PCNT: variants seen among roughly 807,000 people sequenced by gnomAD.
PCNT encodes pericentrin, also known as kendrin.
A neutral mutation model predicts 380.4 loss-of-function variants in PCNT; 319 were observed. That is an observed-to-expected ratio of 0.84 (90% CI 0.77 to 0.92). The LOEUF (loss-of-function observed/expected upper bound fraction) is 0.92. PCNT is among the 40% of genes least tolerant of loss of function. The pLI is 0.00. For missense variants in PCNT, 4,400 were observed against 4,255.3 expected, an observed-to-expected ratio of 1.03 and a Z score of -0.95; for synonymous variants, 1,845 against 1,735.2, an observed-to-expected ratio of 1.06 and a Z score of -1.57.
At position 46,388,721 on chromosome 21, in the gene PCNT, G is replaced by C; in HGVS notation, c.3465-21G>C. 1 of 1,613,320 alleles carries C rather than the reference G, an allele frequency of 6.2e-7. No individual in the cohort carries two copies. Among genetic ancestry groups the C allele is most frequent in the Middle Eastern group, 1.7e-4 (1 of 6,032 alleles). On this transcript the variant is annotated intron_variant, in intron 17 of 46. Transcript: ENST00000359568. This position sits in a 1 kb window ranked among gnomAD's most constrained non-coding sequence, Gnocchi z 4.2. ...TTATGCCGTGACCAGCTTGCCTGAT[G>C]ATGGGTGTCTCCTGTCTCAGAGGGG...
rs114465809 is a variant in PCNT, at chr21:46,408,230, C to T, written c.5116-2959C>T. Among the ~76,000 whole-genome samples the T allele has an allele frequency of 4.6e-3, 702 of 152,282 alleles. 6 individuals carry two copies. The highest frequency in any genetic ancestry group is 0.016 in the African/African-American group (676 of 41,550). ...CACTGGAAATTGATGCATGCTGTCG[C>T]CTGTGTCTGTTCCTTTAGTTGCTGA... On this transcript the variant is annotated intron_variant, in intron 27 of 46. Coordinates refer to ENST00000359568, the MANE Select transcript of PCNT (RefSeq NM_006031.6).
chr21:46,354,124 C>T (rs2084383680), intron 11 of PCNT, 56 bp downstream of exon 11: 3 of 1,426,782 alleles, frequency 2.1e-6, no homozygotes, highest in Non-Finnish European at 3.0e-6. Context: ...CCTTCCAGCC[C>T]TGCGTCTTCC....
At chr21:46,440,333 A>G in intron 42 of PCNT, 131 bp downstream of exon 42, 2 of 952,108 alleles carry the variant, frequency 2.1e-6, no homozygotes, top group Non-Finnish European at 3.4e-6. Flanking sequence ...ACTAAAGGAA[A>G]GGACGTTCAC....
At chr21:46,429,787 T>C (rs2087673572) in intron 35 of PCNT, among the ~76,000 whole-genome samples, 1 of 152,034 alleles carries the variant, frequency 6.6e-6, no homozygotes, top group Non-Finnish European at 1.5e-5. Context: ...TCCTGGACTC[T>C]GTGTCTCCCG....
chr21:46,425,302 G>T lies in PCNT; in HGVS notation c.7180-529G>T, dbSNP rs549097661. On this transcript the variant is annotated intron_variant, in intron 32 of 46. Coordinates refer to ENST00000359568, the MANE Select transcript of PCNT (RefSeq NM_006031.6). The surrounding 1 kb of genome is among the most constrained non-coding windows in gnomAD (Gnocchi z 4.2). ...AGACCTGTGGGCAGGGCCTGCTGGG[G>T]ATGGTTTTCTCTGCTCCCCGTGCCC... Among the ~76,000 whole-genome samples the T allele has an allele frequency of 1.2e-4, 18 of 152,348 alleles. No homozygotes were observed. The highest frequency in any genetic ancestry group is 4.3e-4 in the African/African-American group (18 of 41,586).
intron 2 of PCNT, among the ~76,000 whole-genome samples, chr21:46,329,464 A>G (rs1160914796): frequency 1.3e-5 from 2 of 152,216 alleles, no homozygotes; most frequent in African/African-American, 4.8e-5. Context: ...ACATTAGGTT[A>G]CTTATATAAC....
rs538499651 is a variant in PCNT at position 46,363,607 on chromosome 21, G to A, written c.2282G>A (p.Arg761Gln). 4.8e-5 allele frequency: 78 copies of A among 1,614,084 alleles called. No homozygotes were observed. Among genetic ancestry groups the A allele is most frequent in the Non-Finnish European group, 6.5e-5 (77 of 1,180,026 alleles). Residue 761 changes from arginine to glutamine, a missense_variant, in exon 14 of 47, where the codon CGG becomes CAG. Physicochemically the swap from Arg to Gln is conservative, Grantham distance 43. Transcript: ENST00000359568. ...DWKVMKEELQREAEEKLTLML... is the reference protein window; with the variant it reads ...DWKVMKEELQQEAEEKLTLML... ...AAAGTTATGAAGGAGGAGCTACAGCGGGAAGCTGAGGAGAAGTTAACATTG... is the reference window on the plus strand; with the variant it reads ...AAAGTTATGAAGGAGGAGCTACAGCAGGAAGCTGAGGAGAAGTTAACATTG...
At chr21:46,418,754 C>T (rs538817398) in intron 31 of PCNT, among the ~76,000 whole-genome samples, 23 of 152,246 alleles carry the variant, frequency 1.5e-4, no homozygotes, top group African/African-American at 5.1e-4. Context: ...TTGGGGTGGA[C>T]GTCCCTCTCT....
At chr21:46,395,421 A>G (rs1305513462) in intron 21 of PCNT, among the ~76,000 whole-genome samples, 5 of 151,366 alleles carry the variant, frequency 3.3e-5, no homozygotes, top group Admixed American at 2.0e-4. Context: ...ACTCCATCTC[A>G]GAAATAATAG....
At chr21:46,349,247 G>T in intron 7 of PCNT, 61 bp downstream of exon 7, 1 of 1,336,384 alleles carries the variant, frequency 7.5e-7, no homozygotes, top group Non-Finnish European at 1.1e-6. Flanking sequence ...AGTACTGGAA[G>T]GAATGTCGTT....
rs1245241622 is a variant in PCNT at position 46,437,001 on chromosome 21, T to C, written c.9019T>C (p.Ser3007Pro). 1 of 1,614,010 alleles carries C rather than the reference T, an allele frequency of 6.2e-7. No homozygotes were observed. Among genetic ancestry groups the C allele is most frequent in the Non-Finnish European group, 8.5e-7 (1 of 1,179,858 alleles). ...CAGGACAGTTAATGATTGGACGTCA[T>C]CCAATGAGAAAGCAGTGATGTCTTT... ...VDRTVNDWTSSNEKAVMSLLH... is the reference protein window; with the variant it reads ...VDRTVNDWTSPNEKAVMSLLH... Residue 3007 changes from serine (S) to proline (P), a missense_variant, in exon 40 of 47, where the codon TCC becomes CCC. Ser to Pro is a moderately conservative substitution (Grantham distance 74). Transcript: ENST00000359568.
chr21:46,430,140 A>T lies in PCNT; in HGVS notation c.7821A>T (p.Arg2607=), dbSNP rs1374340093. Residue 2607 remains arginine, a synonymous_variant, in exon 36 of 47, where the codon CGA becomes CGT. Transcript: ENST00000359568. ...TGGCGGCGGAGCAGACTGTAGTGCG[A>T]GATTTGAAGTCCGACCTCTGTGAGA... is the stretch of plus-strand genomic sequence containing the variant. The part of the protein sequence containing the change: ...KLLAAEQTVV[R]DLKSDLCESR... 2 of 1,614,218 alleles carry T rather than the reference A, an allele frequency of 1.2e-6. No homozygotes were observed. Among genetic ancestry groups the T allele is most frequent in the Non-Finnish European group, 1.7e-6 (2 of 1,180,038 alleles).
At chr21:46,406,049 G>T (rs2086612134) in intron 27 of PCNT, among the ~76,000 whole-genome samples, 1 of 152,200 alleles carries the variant, frequency 6.6e-6, no homozygotes, top group African/African-American at 2.4e-5. Flanking sequence ...TAGGTTTCCA[G>T]TTATTTCAAG....
At chr21:46,384,821 G>A (rs374865600) in intron 16 of PCNT, among the ~76,000 whole-genome samples, 21 of 151,678 alleles carry the variant, frequency 1.4e-4, no homozygotes, top group South Asian at 2.1e-4. Context: ...GTTGAGCGGC[G>A]GAAGCGCATT....
intron 28 of PCNT, 50 bp downstream of exon 28, chr21:46,412,117 T>C: frequency 6.3e-7 from 1 of 1,581,290 alleles, no homozygotes; most frequent in Non-Finnish European, 8.6e-7. Flanking sequence ...TACTCTCCTT[T>C]TCTCCTTTGA....
At chr21:46,428,871 A>G (rs555298938) in intron 35 of PCNT, among the ~76,000 whole-genome samples, 1 of 152,310 alleles carries the variant, frequency 6.6e-6, no homozygotes, top group East Asian at 1.9e-4. Flanking sequence ...AGCTCATGCT[A>G]GAGTTCAGGA....
chr21:46,406,867 G>A (rs1334115323), intron 27 of PCNT, among the ~76,000 whole-genome samples: 2 of 152,162 alleles, frequency 1.3e-5, no homozygotes, highest in African/African-American at 2.4e-5. Flanking sequence ...TTTATTTCTT[G>A]GAGATTAAAC....
chr21:46,398,965 G>T lies in PCNT; in HGVS notation c.4585-625G>T, dbSNP rs532774085. Among the ~76,000 whole-genome samples, 507 of 151,732 alleles carry T rather than the reference G, an allele frequency of 3.3e-3. 1 individual carries two copies. Among genetic ancestry groups the T allele is most frequent in the Non-Finnish European group, 5.2e-3 (353 of 67,890 alleles). On this transcript the variant is annotated intron_variant, in intron 24 of 46. Transcript: ENST00000359568. ...CTCCCGAGTAGCTGGGACTACAGGT[G>T]CCCGCCACCACACCCCGCTAATTTT...
intron 45 of PCNT, among the ~76,000 whole-genome samples, chr21:46,444,459 G>A (rs2053697300): frequency 6.6e-6 from 1 of 152,130 alleles, no homozygotes; most frequent in Non-Finnish European, 1.5e-5. Flanking sequence ...CGAAGATGTA[G>A]CAAGCAAAGT....
Sources: allele counts gnomAD v4.1 joint callset (sites outside exome capture counted in the v4.1 genomes callset), GRCh38; gene constraint gnomAD v4.1.1; non-coding constraint Gnocchi (gnomAD v3.1); transcripts MANE v1.5; gene names NCBI Gene and HGNC (gene_info 2026-07-23, HGNC 2026-07-21).